The following ANXA10 variants were observed in gnomAD, a reference collection of about 807,000 sequenced individuals.
The protein encoded by ANXA10 is annexin A10.
In ANXA10, 49 loss-of-function variants were observed where a neutral mutation model predicts 53.5. That is an observed-to-expected ratio of 0.92 (90% confidence interval 0.73 to 1.16). The LOEUF (loss-of-function observed/expected upper bound fraction) is 1.16. ANXA10 is among the 50% of genes most tolerant of loss of function. The pLI is 0.00. For synonymous variants in ANXA10, 131 were observed against 128.9 expected, an observed-to-expected ratio of 1.02 and a Z score of -0.11; for missense variants, 393 against 394.4, an observed-to-expected ratio of 1.00 and a Z score of 0.03.
intron 1 of ANXA10, among the ~76,000 whole-genome samples, chr4:168,110,168 T>C (rs1440764612): frequency 6.6e-6 from 1 of 152,080 alleles, no homozygotes. Flanking sequence ...CCGGGATAGT[T>C]AGCCACTGCA....
In ANXA10 at chr4:168,179,321, T is replaced by C. The variant is rs1732194403; in HGVS notation, c.724+9T>C. On this transcript the variant is annotated intron_variant, in intron 9 of 11. Transcript: ENST00000359299. ...GCTGCTGGTTGCAATTGGTAAGTAATAAATTATTTGAAGCACAACAGACAT... is the reference window on the plus strand; with the variant it reads ...GCTGCTGGTTGCAATTGGTAAGTAACAAATTATTTGAAGCACAACAGACAT... 3 of 1,575,208 alleles carry C rather than the reference T, an allele frequency of 1.9e-6. No homozygotes were observed. Among genetic ancestry groups the C allele is most frequent in the Non-Finnish European group, 1.7e-6 (2 of 1,147,998 alleles).
At chr4:168,139,033 T>G (rs891048354) in intron 2 of ANXA10, among the ~76,000 whole-genome samples, 2 of 152,176 alleles carry the variant, frequency 1.3e-5, no homozygotes, top group Non-Finnish European at 2.9e-5. Flanking sequence ...TAAGATCATA[T>G]CATCAGCAAA....
chr4:168,137,899 C>T (rs1348214468), intron 2 of ANXA10, among the ~76,000 whole-genome samples: 1 of 151,788 alleles, frequency 6.6e-6, no homozygotes, highest in African/African-American at 2.4e-5. Flanking sequence ...TTTACATTTC[C>T]ACCAACAGTC....
Position 168,108,224 on chromosome 4 carries a change from C to T in ANXA10, c.18+15506C>T, listed in dbSNP as rs371342452. Among the ~76,000 whole-genome samples, 4 of 152,152 alleles carry T rather than the reference C, an allele frequency of 2.6e-5. No individual in the cohort carries two copies. In the East Asian group the frequency reaches 7.8e-4, roughly 29 times the overall value. ...TTTTAGCCGGCTTCTTTACTGCAAC[C>T]CCTTGTATTAGCAAGGTCTTTATGA... On this transcript the variant is annotated intron_variant, in intron 1 of 11. Coordinates refer to ENST00000359299, the MANE Select transcript of ANXA10 (RefSeq NM_007193.5).
chr4:168,121,636 T>C (rs1419154652), intron 1 of ANXA10, among the ~76,000 whole-genome samples: 1 of 152,138 alleles, frequency 6.6e-6, no homozygotes, highest in African/African-American at 2.4e-5. Context: ...ATTGAGAACA[T>C]TTGGTGCTTA....
chr4:168,132,632 G>T (rs1266395057), intron 2 of ANXA10, among the ~76,000 whole-genome samples: 1 of 152,020 alleles, frequency 6.6e-6, no homozygotes, highest in Non-Finnish European at 1.5e-5. Context: ...TGTGTAATTG[G>T]ATTGTTTGCA....
intron 1 of ANXA10, among the ~76,000 whole-genome samples, chr4:168,102,274 T>C (rs1005121995): frequency 1.1e-4 from 16 of 152,116 alleles, no homozygotes; most frequent in Admixed American, 7.9e-4. Flanking sequence ...TTGTTAAACT[T>C]ACATTTAACA....
chr4:168,149,848 C>T (rs1313701451), intron 3 of ANXA10, among the ~76,000 whole-genome samples: 2 of 152,220 alleles, frequency 1.3e-5, no homozygotes, highest in African/African-American at 4.8e-5. Context: ...TTCTGCCAAT[C>T]TTTCAATGCT....
At chr4:168,098,743 T>G (rs1359264570) in intron 1 of ANXA10, among the ~76,000 whole-genome samples, 1 of 152,066 alleles carries the variant, frequency 6.6e-6, no homozygotes, top group African/African-American at 2.4e-5. Flanking sequence ...TCCTCAGTTA[T>G]ACTTTTATTT....
intron 1 of ANXA10, among the ~76,000 whole-genome samples, chr4:168,117,650 A>G (rs116174161): frequency 0.012 from 1,819 of 152,334 alleles, 27 homozygotes; most frequent in African/African-American, 0.041. Flanking sequence ...CGTAAGAGTT[A>G]TGTTCCTACA....
At chr4:168,159,381 G>C (rs577712640) in intron 3 of ANXA10, among the ~76,000 whole-genome samples, 1 of 152,092 alleles carries the variant, frequency 6.6e-6, no homozygotes, top group African/African-American at 2.4e-5. Flanking sequence ...TTTAATTTTT[G>C]TATTACAGCA....
chr4:168,156,793 A>G (rs35777755), intron 3 of ANXA10, among the ~76,000 whole-genome samples: 94,345 of 151,682 alleles, frequency 0.62, 30,106 homozygotes, highest in African/African-American at 0.76. Flanking sequence ...ATGAGCAACC[A>G]TGCCCGGCCC....
At chr4:168,167,618 T>A (rs946118196) in intron 6 of ANXA10, among the ~76,000 whole-genome samples, 1 of 152,220 alleles carries the variant, frequency 6.6e-6, no homozygotes, top group African/African-American at 2.4e-5. Flanking sequence ...GTTATCAATA[T>A]TTCTTTAATC....
chr4:168,117,947 C>A lies in ANXA10; in HGVS notation c.19-10137C>A, dbSNP rs1339565527. On this transcript the variant is annotated intron_variant, in intron 1 of 11. Coordinates refer to ENST00000359299, the MANE Select transcript of ANXA10 (RefSeq NM_007193.5). ...CACTCACTCACTCACTCCCTCCCTC[C>A]CTCACACTGGGACCATGGGGACAAG... Among the ~76,000 whole-genome samples the A allele has an allele frequency of 2.5e-4, 37 of 147,670 alleles. 1 individual carries two copies. The highest frequency in any genetic ancestry group is 2.2e-3 in the Admixed American group (33 of 14,822).
intron 10 of ANXA10, among the ~76,000 whole-genome samples, chr4:168,183,009 G>GAAAAAA (rs747151480): frequency 2.1e-5 from 2 of 93,356 alleles, no homozygotes; most frequent in Non-Finnish European, 4.4e-5. Context: ...CACCGTCTCG[G>GAAAAAA]AAAAAAAAAA....
At position 168,173,348 on chromosome 4, in the gene ANXA10, A is replaced by T. The variant is rs1732054192; in HGVS notation, c.481-4392A>T. Reference sequence around the variant, plus strand: ...ATTCAGAGAAGTAGCACGTGGTAAGATTATGTCAAATCCTGAAGCCATTTT... The same window carrying T: ...ATTCAGAGAAGTAGCACGTGGTAAGTTTATGTCAAATCCTGAAGCCATTTT... On this transcript the variant is annotated intron_variant, in intron 6 of 11. Transcript: ENST00000359299. 2.6e-5 allele frequency among the ~76,000 whole-genome samples: 4 copies of T among 152,318 alleles called. 1 individual carries two copies. In the South Asian group the frequency reaches 8.3e-4, roughly 32 times the overall value.
At chr4:168,175,159 T>C (rs1679025268) in intron 6 of ANXA10, among the ~76,000 whole-genome samples, 1 of 151,992 alleles carries the variant, frequency 6.6e-6, no homozygotes, top group Admixed American at 6.6e-5. Context: ...ACCAATAAAA[T>C]GAAATAGATT....
chr4:168,177,450 G>A (rs1165070996), intron 6 of ANXA10, among the ~76,000 whole-genome samples: 1 of 152,064 alleles, frequency 6.6e-6, no homozygotes, highest in Non-Finnish European at 1.5e-5. Flanking sequence ...GTTTGATAAG[G>A]GAGAAGATAC....
intron 6 of ANXA10, among the ~76,000 whole-genome samples, chr4:168,167,866 T>C (rs1202281764): frequency 6.6e-6 from 1 of 152,190 alleles, no homozygotes; most frequent in East Asian, 1.9e-4. Context: ...CGGGTATTAC[T>C]AGAGGGCTGA....
Sources: allele counts gnomAD v4.1 joint callset (sites outside exome capture counted in the v4.1 genomes callset), GRCh38; gene constraint gnomAD v4.1.1; transcripts MANE v1.5; gene names NCBI Gene and HGNC (gene_info 2026-07-23, HGNC 2026-07-21).